IL1RAPL1: variants seen among roughly 807,000 people sequenced by gnomAD.
IL1RAPL1 encodes the protein interleukin-1 receptor accessory protein-like 1.
Under a neutral mutation model 48.4 loss-of-function variants are expected in IL1RAPL1, and 3 were observed. The ratio of observed to expected loss-of-function variants is 0.06; its 90% CI spans 0.03 to 0.16. The LOEUF is 0.16. IL1RAPL1 is among the 10% of genes least tolerant of loss of function. The pLI, the probability that IL1RAPL1 is intolerant of heterozygous loss-of-function variation, is 1.00. For missense variants in IL1RAPL1, 349 were observed against 530.6 expected (o/e 0.66, Z 3.36); for synonymous variants, 185 against 187.7 (o/e 0.99, Z 0.12).
chrX:29,838,563 C>T (rs1282815757), intron 6 of IL1RAPL1, among the ~76,000 whole-genome samples: 1 of 111,895 alleles, frequency 8.9e-6, no homozygotes, highest in Non-Finnish European at 1.9e-5. Context: ...GATTTGTGCA[C>T]ATCTTTTTAG....
In IL1RAPL1 at chrX:29,955,703, C is replaced by A; in HGVS notation, c.1974C>A (p.Asn658Lys). ...GTAACATCCCTATGACACTCATCAA[C>A]GGGCAGCGGCCACAGACAAAATCGA... ...TYCNIPMTLI[N>K]GQRPQTKSSR... The change falls in exon 11 of 11, where the codon AAC (asparagine) becomes AAA (lysine). Residue 658 changes from asparagine (N) to lysine (K), a missense_variant. By Grantham distance (94) the Asn-to-Lys change is moderately conservative. Coordinates refer to ENST00000378993, the MANE Select transcript of IL1RAPL1 (RefSeq NM_014271.4). 8.3e-7 allele frequency: 1 copy of A among 1,211,329 alleles called. No individual in the cohort carries two copies. The highest frequency in any genetic ancestry group is 2.3e-4 in the Middle Eastern group (1 of 4,353).
chrX:28,831,024 C>CTGTGTGTG (rs150869644), intron 2 of IL1RAPL1, among the ~76,000 whole-genome samples: 18 of 59,243 alleles, frequency 3.0e-4, no homozygotes, highest in African/African-American at 1.2e-3. Context: ...CTCTCTCTCT[C>CTGTGTGTG]TCTGTGTGTG....
intron 3 of IL1RAPL1, among the ~76,000 whole-genome samples, chrX:29,354,851 A>G (rs1228643488): frequency 8.0e-5 from 9 of 112,385 alleles, no homozygotes; most frequent in African/African-American, 2.9e-4. Context: ...AGACAAATTA[A>G]CAAGAGAAAA....
At chrX:29,393,923 G>A (rs1160154709) in intron 3 of IL1RAPL1, among the ~76,000 whole-genome samples, 2 of 110,954 alleles carry the variant, frequency 1.8e-5, no homozygotes, top group East Asian at 5.6e-4. Flanking sequence ...TAATGCATGA[G>A]CAGTATTGCT....
chrX:28,934,932 G>A lies in IL1RAPL1; in HGVS notation c.82+145507G>A, dbSNP rs893911862. ...CTCTATATTTAACTTCCTGGGGAAC[G>A]GTCATACTTTCCAAAGAGGATGCAC... On this transcript the variant is annotated intron_variant, in intron 2 of 10. Transcript: ENST00000378993. 5.4e-5 allele frequency among the ~76,000 whole-genome samples: 6 copies of A among 110,945 alleles called. No homozygotes were observed. In the East Asian group the frequency reaches 1.4e-3, roughly 26 times the overall value.
chrX:29,677,078 A>T (rs745863109), intron 6 of IL1RAPL1, among the ~76,000 whole-genome samples: 2 of 112,269 alleles, frequency 1.8e-5, no homozygotes, highest in African/African-American at 6.5e-5. Flanking sequence ...ATTAAAATAG[A>T]AACTATAAAA....
intron 2 of IL1RAPL1, among the ~76,000 whole-genome samples, chrX:28,931,811 G>A (rs994350000): frequency 9.0e-6 from 1 of 110,661 alleles, no homozygotes; most frequent in Non-Finnish European, 1.9e-5. Flanking sequence ...GCCGAGGCGG[G>A]TGGATCACGA....
At chrX:29,329,630 G>T (rs987070660) in intron 3 of IL1RAPL1, among the ~76,000 whole-genome samples, 1 of 109,919 alleles carries the variant, frequency 9.1e-6, no homozygotes, top group Non-Finnish European at 1.9e-5. Flanking sequence ...CTGGCCAACA[G>T]GGAGAAACTC....
In IL1RAPL1 at chrX:29,228,018, T is replaced by C. The variant is rs368095065; in HGVS notation, c.83-54920T>C. 2.6e-3 allele frequency among the ~76,000 whole-genome samples: 288 copies of C among 110,207 alleles called. 1 individual carries two copies. The highest frequency in any genetic ancestry group is 8.5e-3 in the African/African-American group (258 of 30,330). ...TTTTTATAGATAATAATACAAATAC[T>C]GAAAATATTTACAAAACAAATTTAC... On this transcript the variant is annotated intron_variant, in intron 2 of 10. Transcript: ENST00000378993.
chrX:29,829,685 A>G (rs1022975166), intron 6 of IL1RAPL1, among the ~76,000 whole-genome samples: 1 of 111,495 alleles, frequency 9.0e-6, no homozygotes, highest in African/African-American at 3.3e-5. Context: ...TCTATTTTAC[A>G]GTGTTATACT....
At chrX:28,647,826 G>A in intron 1 of IL1RAPL1, among the ~76,000 whole-genome samples, 1 of 111,757 alleles carries the variant, frequency 8.9e-6, no homozygotes, top group East Asian at 2.8e-4. Context: ...TTTTGGCTTG[G>A]AGTAAATATT....
chrX:29,341,788 C>T (rs977414229), intron 3 of IL1RAPL1, among the ~76,000 whole-genome samples: 1 of 110,410 alleles, frequency 9.1e-6, no homozygotes, highest in Non-Finnish European at 1.9e-5. Context: ...TACTGATGTA[C>T]CGTGATTGCT....
At chrX:29,820,563 C>T (rs923274056) in intron 6 of IL1RAPL1, among the ~76,000 whole-genome samples, 27 of 111,446 alleles carry the variant, frequency 2.4e-4, no homozygotes, top group African/African-American at 8.8e-4. Context: ...TATTTTAGCC[C>T]CCCTCTGGGG....
intron 5 of IL1RAPL1, among the ~76,000 whole-genome samples, chrX:29,476,382 C>A: frequency 8.9e-6 from 1 of 111,785 alleles, no homozygotes; most frequent in Middle Eastern, 4.6e-3. Context: ...TAAGATAACC[C>A]TATACATTTT....
intron 6 of IL1RAPL1, among the ~76,000 whole-genome samples, chrX:29,838,714 G>A (rs1282302616): frequency 4.5e-5 from 5 of 112,071 alleles, no homozygotes; most frequent in Non-Finnish European, 7.5e-5. Context: ...AACACCTTGT[G>A]TTAGTTAGCT....
chrX:29,477,071 G>A (rs1047183536), intron 5 of IL1RAPL1, among the ~76,000 whole-genome samples: 2 of 107,736 alleles, frequency 1.9e-5, no homozygotes, highest in African/African-American at 6.9e-5. Flanking sequence ...TAGTAGAGAC[G>A]GGGTTTCACC....
chrX:29,820,768 A>G (rs1456849748), intron 6 of IL1RAPL1, among the ~76,000 whole-genome samples: 1 of 112,146 alleles, frequency 8.9e-6, no homozygotes, highest in East Asian at 2.8e-4. Flanking sequence ...TTTTTCAAGT[A>G]AGTATTAGAG....
Position 29,283,099 on chromosome X carries a change from C to G in IL1RAPL1, c.244C>G (p.Pro82Ala), listed in dbSNP as rs1203933310. The G allele has an allele frequency of 3.3e-6, 4 of 1,211,546 alleles. No individual in the cohort carries two copies. Among genetic ancestry groups the G allele is most frequent in the Non-Finnish European group, 4.5e-6 (4 of 895,426 alleles). ...TTTGATGTGGTACAAAAGTTCTGGT[C>G]CTGGAGACTTTGAAGAGCCAATAGC... ...LSLMWYKSSG[P>A]GDFEEPIAFD... The change falls in exon 3 of 11, where the codon CCT becomes GCT. Residue 82 changes from proline to alanine, a missense_variant. Pro to Ala is a conservative substitution (Grantham distance 27). This residue lies in a region of IL1RAPL1 where 238 missense variants were observed against 337.8 expected (regional missense o/e 0.70). Transcript: ENST00000378993.
chrX:29,455,101 A>G (rs1463520580), intron 5 of IL1RAPL1, among the ~76,000 whole-genome samples: 1 of 111,629 alleles, frequency 9.0e-6, no homozygotes, highest in Non-Finnish European at 1.9e-5. Flanking sequence ...ATCAGCATAA[A>G]TAGCTAATGC....
Sources: gnomAD v4.1 joint callset for allele counts (sites outside exome capture counted in the v4.1 genomes callset) on GRCh38, gnomAD v4.1.1 for gene constraint, gnomAD v4.1.1 regional missense constraint, MANE v1.5 for transcripts, NCBI Gene and HGNC (gene_info 2026-07-23, HGNC 2026-07-21) for gene names.